The following LRRC4 variants were observed in gnomAD, a reference collection of about 807,000 sequenced individuals.
LRRC4 encodes the protein leucine-rich repeat-containing protein 4.
In LRRC4, 11 loss-of-function variants were observed where a neutral mutation model predicts 37.9. That is an observed-to-expected ratio of 0.29 (90% CI 0.18 to 0.48). The LOEUF is 0.48. LRRC4 is among the 20% of genes least tolerant of loss of function. The pLI is 0.99. For synonymous variants in LRRC4, 404 were observed against 346.7 expected, an observed-to-expected ratio of 1.17 and a Z score of -1.84; for missense variants, 717 against 842.1, an observed-to-expected ratio of 0.85 and a Z score of 1.84.
Position 128,031,264 on chromosome 7 carries a change from G to A in LRRC4, c.-452C>T, listed in dbSNP as rs1184955354. Reference sequence around the variant, plus strand: ...ACCCTGGCACCGGCTCGCTCCAGCCGCGGGGGAAGGCGCTTCATCGCCAAA... The same window carrying A: ...ACCCTGGCACCGGCTCGCTCCAGCCACGGGGGAAGGCGCTTCATCGCCAAA... On this transcript the variant is annotated 5_prime_UTR_variant, in exon 1 of 2. Transcript: ENST00000249363. Among the ~76,000 whole-genome samples, 6 of 151,982 alleles carry A rather than the reference G, an allele frequency of 3.9e-5. No individual in the cohort carries two copies. The highest frequency in any genetic ancestry group is 9.7e-5 in the African/African-American group (4 of 41,420).
rs202181902 is a variant in LRRC4, at chr7:128,029,549, A to G, written c.1092T>C (p.Ile364=). The G allele has an allele frequency of 6.2e-7, 1 of 1,614,016 alleles. No individual in the cohort carries two copies. Among genetic ancestry groups the G allele is most frequent in the East Asian group, 2.2e-5 (1 of 44,870 alleles). Residue 364 remains isoleucine, a synonymous_variant, in exon 2 of 2, where the codon ATT becomes ATC. Transcript: ENST00000249363. The surrounding 1 kb of genome is among the most constrained non-coding windows in gnomAD (Gnocchi z 4.2). ...TAAGTTCTGCCATCCGACCCTCAGAAATGTTGAGGTCTCGAGGTGCGTCCA... is the reference window on the plus strand; with the variant it reads ...TAAGTTCTGCCATCCGACCCTCAGAGATGTTGAGGTCTCGAGGTGCGTCCA... ...FIMDAPRDLN[I]SEGRMAELKC... is the part of the protein sequence containing the mutation.
At chr7:128,032,086 C>T (rs1792633515), upstream of LRRC4, 1 of 152,046 alleles carries the variant, frequency 6.6e-6, no homozygotes, top group East Asian at 2.0e-4. Context: ...ATCCTTTTGT[C>T]CTTCAGTCAG....
At chr7:128,031,668 G>A (rs1792607987), upstream of LRRC4, 1 of 146,490 alleles carries the variant, frequency 6.8e-6, no homozygotes, top group Non-Finnish European at 1.5e-5. Context: ...CCGGAGGAGC[G>A]CGCGGCGCCC....
upstream of LRRC4, chr7:128,031,557 G>A (rs542147200): frequency 3.3e-5 from 5 of 150,918 alleles, no homozygotes; most frequent in African/African-American, 4.8e-5. Context: ...AAAACGGGGG[G>A]TCAGTTCTCC....
chr7:128,031,448 G>A (rs969224746), upstream of LRRC4: 5 of 151,812 alleles, frequency 3.3e-5, no homozygotes, highest in Non-Finnish European at 5.9e-5. Context: ...GTGAGCTCGC[G>A]GAGCGGCGAG....
rs1803497582 is a variant in LRRC4, at chr7:128,027,090, T to TA, written c.*1588dup. 6.6e-6 allele frequency: 1 copy of TA among 152,604 alleles called. No individual in the cohort carries two copies. The highest frequency in any genetic ancestry group is 2.1e-4 in the South Asian group (1 of 4,836). The allele number at this position is 152,604 out of a possible 1,614,324, so 9.5% of individuals were successfully genotyped here. ...ATTGAATTAAAAATTCAACAATATT[T>TA]ATTAAAATACAAAAATACACTTTTC... On this transcript the variant is annotated 3_prime_UTR_variant, in exon 2 of 2. Coordinates refer to ENST00000249363, the MANE Select transcript of LRRC4 (RefSeq NM_022143.5).
rs1792570316 is a variant in LRRC4 at position 128,030,868 on chromosome 7, C to G, written c.-101+45G>C. On this transcript the variant is annotated intron_variant, in intron 1 of 1. Coordinates refer to ENST00000249363, the MANE Select transcript of LRRC4 (RefSeq NM_022143.5). ...AAGGCAAGCCCTCCGAAAGCTACGACTCTCCCACACTGCAACCGTCCCCAC... is the reference window on the plus strand; with the variant it reads ...AAGGCAAGCCCTCCGAAAGCTACGAGTCTCCCACACTGCAACCGTCCCCAC... 3 of 501,432 alleles carry G rather than the reference C, an allele frequency of 6.0e-6. No individual in the cohort carries two copies. In the Admixed American group the frequency reaches 1.1e-4, roughly 19 times the overall value. 31.1% of individuals were successfully genotyped at this position (501,432 alleles called of 1,614,324 possible).
At position 128,030,467 on chromosome 7, in the gene LRRC4, C is replaced by T. The variant is rs1792548727; in HGVS notation, c.174G>A (p.Lys58=). The part of the protein sequence containing the change: ...SVCSCSNQFS[K]VVCTRRGLSE... The stretch of plus-strand genomic sequence containing the variant: ...AGAGGCCCCGGCGCGTGCACACCAC[C>T]TTGCTGAACTGGTTACTGCACGAGC... Residue 58 remains lysine (K), a synonymous_variant, in exon 2 of 2, where the codon AAG becomes AAA. Coordinates refer to ENST00000249363, the MANE Select transcript of LRRC4 (RefSeq NM_022143.5). 1 of 1,613,530 alleles carries T rather than the reference C, an allele frequency of 6.2e-7. No individual in the cohort carries two copies. Among genetic ancestry groups the T allele is most frequent in the Admixed American group, 1.7e-5 (1 of 59,998 alleles).
chr7:128,029,531 T>C lies in LRRC4; in HGVS notation c.1110A>G (p.Ala370=), dbSNP rs73238074. ...RDLNISEGRM[A]ELKCRTPPMS... ...TAGGGGGAGTCCGACACTTAAGTTC[T>C]GCCATCCGACCCTCAGAAATGTTGA... The change falls in exon 2 of 2, where the codon GCA becomes GCG. Residue 370 remains alanine, a synonymous_variant. Transcript: ENST00000249363. The surrounding 1 kb of genome is among the most constrained non-coding windows in gnomAD (Gnocchi z 4.2). 0.14 allele frequency: 226,337 copies of C among 1,613,924 alleles called. 17,450 individuals carry two copies. Among genetic ancestry groups the C allele is most frequent in the Admixed American group, 0.29 (17,192 of 60,000 alleles).
rs2116988562 is a variant in LRRC4 at position 128,031,312 on chromosome 7, C to G, written c.-500G>C. On this transcript the variant is annotated 5_prime_UTR_variant, in exon 1 of 2. Transcript: ENST00000249363. ...AAAGTGCGCTCCGGCGGCCCCGGCC[C>G]GCTCTGCGGGCCGCCGCCGGAGGGA... Among the ~76,000 whole-genome samples the G allele has an allele frequency of 6.7e-6, 1 of 148,174 alleles. No homozygotes were observed. The highest frequency in any genetic ancestry group is 2.4e-4 in the South Asian group (1 of 4,236).
Position 128,030,013 on chromosome 7 carries a change from C to T in LRRC4, c.628G>A (p.Asp210Asn), listed in dbSNP as rs906988031. 3 of 1,613,074 alleles carry T rather than the reference C, an allele frequency of 1.9e-6. No homozygotes were observed. The highest frequency in any genetic ancestry group is 2.7e-5 in the African/African-American group (2 of 74,938). ...YLNLGMCNIK[D>N]MPNLTPLVGL... is the part of the protein sequence containing the mutation. ...ACCAGGGGGGTGAGATTGGGCATGT[C>T]TTTAATGTTGCACATGCCCAAGTTC... is the stretch of plus-strand genomic sequence containing the variant. The change falls in exon 2 of 2, where the codon GAC becomes AAC. Residue 210 changes from aspartate to asparagine, a missense_variant. Coordinates refer to ENST00000249363, the MANE Select transcript of LRRC4 (RefSeq NM_022143.5).
chr7:128,030,823 T>TG lies in LRRC4; in HGVS notation c.-100-84dup, dbSNP rs891286238. ...AATCCTGCCAAACTCGAGCGGCCCC[T>TG]GGTCTCCCAACCCACCCTCAAGGCA... On this transcript the variant is annotated intron_variant, in intron 1 of 1. Coordinates refer to ENST00000249363, the MANE Select transcript of LRRC4 (RefSeq NM_022143.5). 104 of 700,118 alleles carry TG rather than the reference T, an allele frequency of 1.5e-4. No individual in the cohort carries two copies. In the African/African-American group the frequency reaches 1.8e-3, roughly 12 times the overall value. 43.4% of individuals were successfully genotyped at this position (700,118 alleles called of 1,614,324 possible). A position where few individuals can be genotyped will look rare whatever the true frequency, so the allele number is the denominator to read the frequency against.
chr7:128,029,934 C>T lies in LRRC4; in HGVS notation c.707G>A (p.Gly236Asp), dbSNP rs1391665154. 6.2e-7 allele frequency: 1 copy of T among 1,613,174 alleles called. No homozygotes were observed. Among genetic ancestry groups the T allele is most frequent in the African/African-American group, 1.3e-5 (1 of 75,024 alleles). ...SGNHFPEIRP[G>D]SFHGLSSLKK... ...GAGGGAGCTCAGGCCATGGAAGGAG[C>T]CAGGCCTGATCTCAGGGAAGTGGTT... The change falls in exon 2 of 2, where the codon GGC becomes GAC. Residue 236 changes from glycine (G) to aspartate (D), a missense_variant. By Grantham distance (94) the Gly-to-Asp change is moderately conservative. This residue lies in a region of LRRC4 where 138 missense variants were observed against 261.0 expected (regional missense o/e 0.53). Coordinates refer to ENST00000249363, the MANE Select transcript of LRRC4 (RefSeq NM_022143.5). This position sits in a 1 kb window ranked among gnomAD's most constrained non-coding sequence, Gnocchi z 4.2.
rs145256969 is a variant in LRRC4, at chr7:128,028,854, A to G, written c.1787T>C (p.Val596Ala). The change falls in exon 2 of 2, where the codon GTA becomes GCA. Residue 596 changes from valine (V) to alanine (A), a missense_variant. By Grantham distance (64) the Val-to-Ala change is moderately conservative. Coordinates refer to ENST00000249363, the MANE Select transcript of LRRC4 (RefSeq NM_022143.5). ...ATGGTCATGAATTGTGGGCAGCACT[A>G]CTGCCCCCTCACCTGATACACCGGA... is the stretch of plus-strand genomic sequence containing the variant. Reference protein sequence around the residue: ...APSGVSGEGAVVLPTIHDHIN... With the variant: ...APSGVSGEGAAVLPTIHDHIN... The G allele has an allele frequency of 4.2e-4, 682 of 1,614,116 alleles. 4 individuals carry two copies. The African/African-American group carries it at 8.0e-3, about 19-fold the overall frequency.
Position 128,030,614 on chromosome 7 carries a change from C to CA in LRRC4, c.26dup (p.His10AlafsTer45). 1 of 1,573,806 alleles carries CA rather than the reference C, an allele frequency of 6.4e-7. No individual in the cohort carries two copies. Among genetic ancestry groups the CA allele is most frequent in the Non-Finnish European group, 8.6e-7 (1 of 1,156,148 alleles). The stretch of plus-strand genomic sequence containing the variant: ...GGATGGCATTCCAGGTGTGGTGGTG[C>CA]ACAGTTACCTGCCACAAGAGCTTCA... On this transcript the variant is annotated frameshift_variant, in exon 2 of 2. Coordinates refer to ENST00000249363, the MANE Select transcript of LRRC4 (RefSeq NM_022143.5). LOFTEE classifies it high-confidence loss of function.
Position 128,030,473 on chromosome 7 carries a change from G to C in LRRC4, c.168C>G (p.Phe56Leu). The C allele has an allele frequency of 6.2e-7, 1 of 1,613,598 alleles. No individual in the cohort carries two copies. Among genetic ancestry groups the C allele is most frequent in the Non-Finnish European group, 8.5e-7 (1 of 1,179,998 alleles). The change falls in exon 2 of 2, where the codon TTC becomes TTG. Residue 56 changes from phenylalanine to leucine, a missense_variant. Around this residue, in one of 5 missense-constraint regions of LRRC4, gnomAD observed 127 missense variants for 134.8 expected, o/e 0.94. Transcript: ENST00000249363. ...CCCGGCGCGTGCACACCACCTTGCT[G>C]AACTGGTTACTGCACGAGCAGACGG... is the stretch of plus-strand genomic sequence containing the variant. ...CPSVCSCSNQ[F>L]SKVVCTRRGL...
chr7:128,031,403 C>G lies in LRRC4; in HGVS notation c.-591G>C, dbSNP rs1332345868. ...GATGCTGCGCTCCCTCTCCCGGCGT[C>G]GGCCGCTCCGGGCCGGCGGCAGCTG... is the stretch of plus-strand genomic sequence containing the variant. On this transcript the variant is annotated 5_prime_UTR_variant, in exon 1 of 2. Transcript: ENST00000249363. The G allele has an allele frequency of 6.6e-6, 1 of 151,844 alleles. No homozygotes were observed. Among genetic ancestry groups the G allele is most frequent in the African/African-American group, 2.4e-5 (1 of 41,384 alleles). 9.4% of individuals were successfully genotyped at this position (151,844 alleles called of 1,614,324 possible). A position where few individuals can be genotyped will look rare whatever the true frequency, so the allele number is the denominator to read the frequency against.
Position 128,029,894 on chromosome 7 carries a change from G to C in LRRC4, c.747C>G (p.Val249=). The C allele has an allele frequency of 6.2e-7, 1 of 1,613,300 alleles. No individual in the cohort carries two copies. The highest frequency in any genetic ancestry group is 8.5e-7 in the Non-Finnish European group (1 of 1,180,024). Residue 249 remains valine, a synonymous_variant, in exon 2 of 2, where the codon GTC becomes GTG. Transcript: ENST00000249363. This position sits in a 1 kb window ranked among gnomAD's most constrained non-coding sequence, Gnocchi z 4.2. ...HGLSSLKKLW[V]MNSQVSLIER... ...CAATCAGGCTGACCTGTGAGTTCATGACCCAGAGCTTCTTGAGGGAGCTCA... is the reference window on the plus strand; with the variant it reads ...CAATCAGGCTGACCTGTGAGTTCATCACCCAGAGCTTCTTGAGGGAGCTCA...
At position 128,027,524 on chromosome 7, in the gene LRRC4, A is replaced by G. The variant is rs534467742; in HGVS notation, c.*1155T>C. On this transcript the variant is annotated 3_prime_UTR_variant, in exon 2 of 2. Coordinates refer to ENST00000249363, the MANE Select transcript of LRRC4 (RefSeq NM_022143.5). Reference sequence around the variant, plus strand: ...GCTACTCATGTTCTGCCCCCACCCCATCACCACAACCAGTTGACATCCGCT... The same window carrying G: ...GCTACTCATGTTCTGCCCCCACCCCGTCACCACAACCAGTTGACATCCGCT... 2.0e-5 allele frequency: 3 copies of G among 152,018 alleles called. No individual in the cohort carries two copies. Among genetic ancestry groups the G allele is most frequent in the African/African-American group, 4.9e-5 (2 of 41,218 alleles). The allele number at this position is 152,018 out of a possible 1,614,324, so 9.4% of individuals were successfully genotyped here.
Sources: gnomAD v4.1 joint callset for allele counts (sites outside exome capture counted in the v4.1 genomes callset) on GRCh38, gnomAD v4.1.1 for gene constraint, gnomAD v4.1.1 regional missense constraint, Gnocchi (gnomAD v3.1) non-coding constraint, MANE v1.5 for transcripts, NCBI Gene and HGNC (gene_info 2026-07-23, HGNC 2026-07-21) for gene names.